Variants in STXBP6 observed in about 807,000 individuals in gnomAD.
STXBP6 encodes syntaxin-binding protein 6.
In STXBP6, 21 loss-of-function variants were observed where a neutral mutation model predicts 26.9. The ratio of observed to expected loss-of-function variants is 0.78; its 90% CI spans 0.55 to 1.12. STXBP6 has a LOEUF of 1.12. Ranked by LOEUF, STXBP6 falls within the 50% of genes most tolerant of loss-of-function variation. The pLI is 0.00. For synonymous variants in STXBP6, 97 were observed against 92.6 expected (o/e 1.05, Z -0.27); for missense variants, 232 against 257.9 (o/e 0.90, Z 0.69).
chr14:25,006,999 C>A (rs2074916328), intron 1 of STXBP6, among the ~76,000 whole-genome samples: 2 of 152,212 alleles, frequency 1.3e-5, no homozygotes, highest in Admixed American at 1.3e-4. Context: ...CCCAAAGCAG[C>A]TGACTCAAAA....
chr14:24,984,018 G>C (rs1432693362), intron 1 of STXBP6, among the ~76,000 whole-genome samples: 3 of 152,140 alleles, frequency 2.0e-5, no homozygotes, highest in African/African-American at 7.2e-5. Context: ...TGGATCACGA[G>C]GTCAAGAGAT....
chr14:24,979,623 G>C (rs1203151178), intron 1 of STXBP6, among the ~76,000 whole-genome samples: 1 of 152,156 alleles, frequency 6.6e-6, no homozygotes, highest in African/African-American at 2.4e-5. Flanking sequence ...CCAACTCAGA[G>C]TGTCTTTCTG....
chr14:24,857,110 A>G lies in STXBP6; in HGVS notation c.202T>C (p.Phe68Leu). ...TQASITKVKQ[F>L]EGSTSFVRRS... The stretch of plus-strand genomic sequence containing the variant: ...CGAACAAATGATGTGGAGCCTTCAA[A>G]CTGTTTGACCTTTGTGATGGACGCC... Residue 68 changes from phenylalanine to leucine, a missense_variant, in exon 3 of 6, where the codon TTT becomes CTT. By Grantham distance (22) the Phe-to-Leu change is conservative. Transcript: ENST00000323944. 1 of 1,613,046 alleles carries G rather than the reference A, an allele frequency of 6.2e-7. No individual in the cohort carries two copies. The highest frequency in any genetic ancestry group is 8.5e-7 in the Non-Finnish European group (1 of 1,179,264).
intron 4 of STXBP6, among the ~76,000 whole-genome samples, chr14:24,839,483 A>G (rs1425061540): frequency 6.6e-6 from 1 of 151,854 alleles, no homozygotes; most frequent in Non-Finnish European, 1.5e-5. Context: ...TATACAATTG[A>G]GCAACAGGAC....
chr14:24,840,673 C>A (rs1044325238), intron 4 of STXBP6, among the ~76,000 whole-genome samples: 6 of 152,218 alleles, frequency 3.9e-5, no homozygotes, highest in African/African-American at 1.4e-4. Context: ...TTTGTCAACT[C>A]TTCCCCACAT....
chr14:24,825,556 T>C (rs1378290232), intron 4 of STXBP6, among the ~76,000 whole-genome samples: 5 of 152,222 alleles, frequency 3.3e-5, no homozygotes, highest in Non-Finnish European at 7.3e-5. Context: ...TTGATTGCTG[T>C]TGTTACCAAG....
intron 2 of STXBP6, among the ~76,000 whole-genome samples, chr14:24,953,920 C>G (rs2073255565): frequency 1.3e-5 from 2 of 152,108 alleles, no homozygotes; most frequent in South Asian, 4.1e-4. Context: ...ACTTGCTGTT[C>G]TTGGGTGGGG....
intron 2 of STXBP6, among the ~76,000 whole-genome samples, chr14:24,937,362 GTTCT>G (rs2072639746): frequency 6.6e-6 from 1 of 152,178 alleles, no homozygotes; most frequent in South Asian, 2.1e-4. Flanking sequence ...TTTACTAAGA[GTTCT>G]TTTAGAATTA....
intron 2 of STXBP6, among the ~76,000 whole-genome samples, chr14:24,901,737 T>C (rs1036488991): frequency 1.3e-5 from 2 of 152,100 alleles, no homozygotes; most frequent in Non-Finnish European, 2.9e-5. Flanking sequence ...ACGTACTGAA[T>C]GAAAGAAATC....
chr14:24,985,951 A>G lies in STXBP6; in HGVS notation c.-32-11101T>C, dbSNP rs115804115. On this transcript the variant is annotated intron_variant, in intron 1 of 5. Coordinates refer to ENST00000323944, the MANE Select transcript of STXBP6 (RefSeq NM_001394410.1). ...ACACAACAGAAGAGTAGCAAAACCA[A>G]TATTAGGGCTAAATATTGCTCTCGA... is the stretch of plus-strand genomic sequence containing the variant. Among the ~76,000 whole-genome samples the G allele has an allele frequency of 7.8e-3, 1,193 of 152,318 alleles. 11 individuals carry two copies. Among genetic ancestry groups the G allele is most frequent in the African/African-American group, 0.028 (1,145 of 41,566 alleles).
chr14:25,023,406 A>C (rs2075294618), intron 1 of STXBP6, among the ~76,000 whole-genome samples: 1 of 152,176 alleles, frequency 6.6e-6, no homozygotes, highest in African/African-American at 2.4e-5. Flanking sequence ...ATTCATCTAA[A>C]TTTGCAGTTG....
At chr14:24,877,595 T>A (rs2070192949) in intron 2 of STXBP6, among the ~76,000 whole-genome samples, 1 of 152,182 alleles carries the variant, frequency 6.6e-6, no homozygotes, top group South Asian at 2.1e-4. Context: ...AAATCTAAAT[T>A]CACAGCAAAC....
At chr14:24,925,339 G>C (rs936358707) in intron 2 of STXBP6, among the ~76,000 whole-genome samples, 2 of 152,150 alleles carry the variant, frequency 1.3e-5, no homozygotes, top group African/African-American at 4.8e-5. Flanking sequence ...AAAGTTGCTA[G>C]GATCAGAACA....
At position 25,049,219 on chromosome 14, in the gene STXBP6, C is replaced by T. The variant is rs752788004; in HGVS notation, c.-33+659G>A. 7.6e-5 allele frequency: 75 copies of T among 985,356 alleles called. No homozygotes were observed. Among genetic ancestry groups the T allele is most frequent in the Non-Finnish European group, 8.9e-5 (74 of 829,980 alleles). 61.0% of individuals were successfully genotyped at this position (985,356 alleles called of 1,614,324 possible). On this transcript the variant is annotated intron_variant, in intron 1 of 5. Transcript: ENST00000323944. This position sits in a 1 kb window ranked among gnomAD's most constrained non-coding sequence, Gnocchi z 5.6. ...TCAAGCCACCCACCTACTCCAGCCA[C>T]GTTGCCCGGCGGTGTTGGTGAGGCT... is the stretch of plus-strand genomic sequence containing the variant.
intron 1 of STXBP6, among the ~76,000 whole-genome samples, chr14:25,037,534 G>A (rs1427904897): frequency 6.6e-6 from 1 of 152,184 alleles, no homozygotes; most frequent in Non-Finnish European, 1.5e-5. Flanking sequence ...ACTCAAGAAA[G>A]GAAGTTGCAT....
At chr14:25,012,298 A>G (rs1176404173) in intron 1 of STXBP6, among the ~76,000 whole-genome samples, 1 of 152,204 alleles carries the variant, frequency 6.6e-6, no homozygotes, top group Non-Finnish European at 1.5e-5. Context: ...AAGACTTCAA[A>G]GAGCTTACCT....
chr14:24,823,616 A>G (rs12432022), intron 4 of STXBP6, among the ~76,000 whole-genome samples: 28,193 of 152,150 alleles, frequency 0.19, 3,501 homozygotes, highest in Admixed American at 0.36. Flanking sequence ...AATAATAAAT[A>G]TATGCCCATC....
In STXBP6 at chr14:25,031,961, G is replaced by GT. The variant is rs567571065; in HGVS notation, c.-33+17916dup. ...CAACTAAAGGAAGAAATGGACAATAGTATCACTGAATTCCAAGAGAAGGTG... is the reference window on the plus strand; with the variant it reads ...CAACTAAAGGAAGAAATGGACAATAGTTATCACTGAATTCCAAGAGAAGGTG... On this transcript the variant is annotated intron_variant, in intron 1 of 5. Coordinates refer to ENST00000323944, the MANE Select transcript of STXBP6 (RefSeq NM_001394410.1). Among the ~76,000 whole-genome samples, 94 of 152,264 alleles carry GT rather than the reference G, an allele frequency of 6.2e-4. 1 individual carries two copies. The highest frequency in any genetic ancestry group is 2.2e-3 in the African/African-American group (90 of 41,550).
chr14:24,984,542 T>G (rs1021359907), intron 1 of STXBP6, among the ~76,000 whole-genome samples: 1 of 152,218 alleles, frequency 6.6e-6, no homozygotes. Context: ...TGAACACTTC[T>G]GATCTCATTA....
Sources: allele counts gnomAD v4.1 joint callset (sites outside exome capture counted in the v4.1 genomes callset), GRCh38; gene constraint gnomAD v4.1.1; non-coding constraint Gnocchi (gnomAD v3.1); transcripts MANE v1.5; gene names NCBI Gene and HGNC (gene_info 2026-07-23, HGNC 2026-07-21).